The following SATB2 variants were observed in gnomAD, a reference collection of about 807,000 sequenced individuals.
The protein encoded by SATB2 is SATB homeobox 2, also known as DNA-binding protein SATB2.
Under a neutral mutation model 73.4 loss-of-function variants are expected in SATB2, and 1 was observed. The ratio of observed to expected loss-of-function variants is 0.01; its 90% CI spans 0.00 to 0.06. SATB2 has a LOEUF of 0.06. Ranked by LOEUF, SATB2 falls within the 10% of genes least tolerant of loss-of-function variation. The pLI, the probability that SATB2 is intolerant of heterozygous loss-of-function variation, is 1.00. For synonymous variants in SATB2, 397 were observed against 367.0 expected (o/e 1.08, Z -0.93); for missense variants, 459 against 945.8 (o/e 0.49, Z 6.75).
intron 7 of SATB2, among the ~76,000 whole-genome samples, chr2:199,335,370 T>G (rs1287519458): frequency 6.6e-6 from 1 of 152,172 alleles, no homozygotes; most frequent in Non-Finnish European, 1.5e-5. Context: ...AGAGATATAT[T>G]CTGCAAAGCA....
At chr2:199,306,412 C>G (rs756827718) in intron 10 of SATB2, among the ~76,000 whole-genome samples, 1 of 152,140 alleles carries the variant, frequency 6.6e-6, no homozygotes, top group Admixed American at 6.6e-5. Context: ...TCAAGGTCAA[C>G]AGCTGAGGCA....
intron 6 of SATB2, among the ~76,000 whole-genome samples, chr2:199,353,146 G>GTT (rs1688868806): frequency 1.1e-5 from 1 of 88,684 alleles, no homozygotes; most frequent in Non-Finnish European, 2.3e-5. Context: ...ACACGTTTTT[G>GTT]TCTTTTTTTT....
At chr2:199,458,593 G>A (rs557427747), upstream of SATB2, 256 of 430,712 alleles carry the variant, frequency 5.9e-4, no homozygotes, top group African/African-American at 5.0e-3. Flanking sequence ...CACTCGTCCC[G>A]GCGCGGAGGC....
At chr2:199,334,136 A>C (rs1688269064) in intron 7 of SATB2, among the ~76,000 whole-genome samples, 1 of 152,180 alleles carries the variant, frequency 6.6e-6, no homozygotes, top group Non-Finnish European at 1.5e-5. Context: ...GAACAAAGAT[A>C]AACATTCAAA....
In SATB2 at chr2:199,348,896, G is replaced by C; in HGVS notation, c.978C>G (p.Leu326=). 1 of 1,614,164 alleles carries C rather than the reference G, an allele frequency of 6.2e-7. No homozygotes were observed. ...LINQQIAVSR[L]LAHQHPQAIN... ...TGGCTTGAGGATGCTGGTGAGCCAGGAGCCGGCTAACGGCAATCTGTTGGT... is the reference window on the plus strand; with the variant it reads ...TGGCTTGAGGATGCTGGTGAGCCAGCAGCCGGCTAACGGCAATCTGTTGGT... The change falls in exon 7 of 11, where the codon CTC becomes CTG. Residue 326 remains leucine, a synonymous_variant. Coordinates refer to ENST00000417098, the MANE Select transcript of SATB2 (RefSeq NM_001172509.2).
intron 9 of SATB2, among the ~76,000 whole-genome samples, chr2:199,314,524 T>C (rs1355813355): frequency 6.6e-6 from 1 of 152,132 alleles, no homozygotes; most frequent in Non-Finnish European, 1.5e-5. Context: ...TGAGCACCCA[T>C]CTCCTGCATG....
At chr2:199,417,036 T>TCTCACA (rs1416951890) in intron 3 of SATB2, among the ~76,000 whole-genome samples, 2 of 144,166 alleles carry the variant, frequency 1.4e-5, no homozygotes, top group Non-Finnish European at 3.0e-5. Flanking sequence ...ACTCCGTCTC[T>TCTCACA]CACACACACA....
chr2:199,358,822 T>C (rs550384180), intron 6 of SATB2, among the ~76,000 whole-genome samples: 4 of 152,302 alleles, frequency 2.6e-5, no homozygotes, highest in African/African-American at 7.2e-5. Flanking sequence ...GGACCCATTA[T>C]GTTCCATGGA....
chr2:199,406,398 AAT>A (rs1465051112), intron 3 of SATB2, among the ~76,000 whole-genome samples: 1 of 152,168 alleles, frequency 6.6e-6, no homozygotes, highest in East Asian at 1.9e-4. Flanking sequence ...CCTATATGTT[AAT>A]ATGTTTCATT....
chr2:199,295,490 T>A (rs1030438096), intron 10 of SATB2, among the ~76,000 whole-genome samples: 2 of 152,116 alleles, frequency 1.3e-5, no homozygotes, highest in South Asian at 2.1e-4. Flanking sequence ...ATGGCCAGTT[T>A]CACGCTGCCA....
rs553352643 is a variant in SATB2, at chr2:199,337,020, T to G, written c.1174-8110A>C. ...TGTTAGCCATTGTTAGGATGCCTAG[T>G]ATAGTTTCTGAATACTTAATATTTG... On this transcript the variant is annotated intron_variant, in intron 7 of 10. Transcript: ENST00000417098. 1.1e-4 allele frequency among the ~76,000 whole-genome samples: 16 copies of G among 152,312 alleles called. 1 individual carries two copies. The highest frequency in any genetic ancestry group is 3.6e-4 in the African/African-American group (15 of 41,576).
chr2:199,315,471 T>C (rs1243047628), intron 9 of SATB2, among the ~76,000 whole-genome samples: 1 of 151,814 alleles, frequency 6.6e-6, no homozygotes, highest in Non-Finnish European at 1.5e-5. Context: ...ATCTTACATG[T>C]TAAGTGATAA....
intron 10 of SATB2, among the ~76,000 whole-genome samples, chr2:199,275,079 T>G (rs1009537133): frequency 1.2e-4 from 18 of 152,176 alleles, no homozygotes; most frequent in African/African-American, 4.3e-4. Flanking sequence ...CAAAAGAGAA[T>G]TAAAATGCCC....
intron 7 of SATB2, among the ~76,000 whole-genome samples, chr2:199,333,043 T>C (rs1322564430): frequency 6.6e-6 from 1 of 152,040 alleles, no homozygotes; most frequent in African/African-American, 2.4e-5. Context: ...TCTCAGACCA[T>C]AGGTAACTCC....
At chr2:199,361,693 C>T (rs1689141698) in intron 6 of SATB2, among the ~76,000 whole-genome samples, 1 of 151,948 alleles carries the variant, frequency 6.6e-6, no homozygotes, top group Non-Finnish European at 1.5e-5. Context: ...GTGTTCTCTA[C>T]CTTCTCAGCC....
At chr2:199,449,563 G>A (rs73067571) in intron 2 of SATB2, among the ~76,000 whole-genome samples, 3,033 of 152,146 alleles carry the variant, frequency 0.02, 111 homozygotes, top group African/African-American at 0.068. Flanking sequence ...AAAGAGCAAC[G>A]GAAAATAGCA....
intron 6 of SATB2, among the ~76,000 whole-genome samples, chr2:199,355,338 G>GTATCTATA (rs1233539046): frequency 1.1e-5 from 1 of 88,094 alleles, no homozygotes; most frequent in Non-Finnish European, 2.3e-5. Context: ...GTGTGTGTGT[G>GTATCTATA]TGTGTGTATC....
chr2:199,360,395 C>CG, intron 6 of SATB2, among the ~76,000 whole-genome samples: 1 of 152,292 alleles, frequency 6.6e-6, no homozygotes, highest in South Asian at 2.1e-4. Flanking sequence ...GTTCCCCAGA[C>CG]ATGGTCTGTC....
At chr2:199,427,892 C>T (rs1194492475) in intron 3 of SATB2, among the ~76,000 whole-genome samples, 1 of 152,026 alleles carries the variant, frequency 6.6e-6, no homozygotes, top group African/African-American at 2.4e-5. Context: ...AGAGATAGTA[C>T]ATTGAAAAAT....
Sources: allele counts gnomAD v4.1 joint callset (sites outside exome capture counted in the v4.1 genomes callset), GRCh38; gene constraint gnomAD v4.1.1; transcripts MANE v1.5; gene names NCBI Gene and HGNC (gene_info 2026-07-23, HGNC 2026-07-21).